The following EPHB2 variants were observed in gnomAD, a reference collection of about 807,000 sequenced individuals.
EPHB2 encodes EPH receptor B2.
A neutral mutation model predicts 96.4 loss-of-function variants in EPHB2; 18 were observed. That is an observed-to-expected ratio of 0.19 (90% CI 0.13 to 0.28). The LOEUF is 0.28. Among genes scored for constraint, EPHB2 ranks in the 10% least tolerant of loss-of-function variants. The pLI, the probability that EPHB2 is intolerant of heterozygous loss-of-function variation, is 1.00. For missense variants in EPHB2, 989 were observed against 1,355.4 expected (o/e 0.73, Z 4.25); for synonymous variants, 506 against 534.1 (o/e 0.95, Z 0.72).
intron 3 of EPHB2, among the ~76,000 whole-genome samples, chr1:22,803,224 A>G (rs1644870660): frequency 1.3e-5 from 2 of 152,108 alleles, no homozygotes; most frequent in South Asian, 4.2e-4. Flanking sequence ...GGCAGGACTG[A>G]CCCACCTCCC....
chr1:22,722,139 GCACCTAC>G (rs781459491), intron 1 of EPHB2, among the ~76,000 whole-genome samples: 1 of 149,708 alleles, frequency 6.7e-6, no homozygotes, highest in Non-Finnish European at 1.5e-5. Flanking sequence ...GTAAAGACAG[GCACCTAC>G]CACCATGCCC....
chr1:22,783,198 C>T (rs1366951710), intron 2 of EPHB2, among the ~76,000 whole-genome samples: 1 of 152,218 alleles, frequency 6.6e-6, no homozygotes, highest in East Asian at 1.9e-4. Flanking sequence ...CAAATGACCT[C>T]ACTTCTAGTC....
intron 1 of EPHB2, among the ~76,000 whole-genome samples, chr1:22,745,980 T>C (rs772284199): frequency 6.6e-6 from 1 of 152,220 alleles, no homozygotes; most frequent in Non-Finnish European, 1.5e-5. Context: ...AGGATCAGGA[T>C]GTTTAACTTC....
chr1:22,758,704 C>T lies in EPHB2; in HGVS notation c.62-22717C>T, dbSNP rs774960132. 1.3e-4 allele frequency among the ~76,000 whole-genome samples: 20 copies of T among 151,890 alleles called. 1 individual carries two copies. The highest frequency in any genetic ancestry group is 2.9e-4 in the Non-Finnish European group (20 of 68,000). On this transcript the variant is annotated intron_variant, in intron 1 of 15. Coordinates refer to ENST00000374630, the MANE Select transcript of EPHB2 (RefSeq NM_017449.5). ...CCTTTCTAGGCCTCAGTTTCCCTCT[C>T]GGTGACACAGTGGTATGAGGGGCAA... is the stretch of plus-strand genomic sequence containing the variant.
At chr1:22,866,030 C>A (rs1311119201) in intron 5 of EPHB2, among the ~76,000 whole-genome samples, 1 of 152,062 alleles carries the variant, frequency 6.6e-6, no homozygotes, top group Non-Finnish European at 1.5e-5. Flanking sequence ...GGGCTCCTAG[C>A]CTCCCCTCTC....
chr1:22,765,563 A>AAAC lies in EPHB2; in HGVS notation c.62-15858_62-15857insAAC, dbSNP rs1553162300. ...CCCTGTCGCAAAAAAAAAAAAAAAA[A>AAAC]CATTGAGTTCATCCCGTGAGCACCG... On this transcript the variant is annotated intron_variant, in intron 1 of 15. Coordinates refer to ENST00000374630, the MANE Select transcript of EPHB2 (RefSeq NM_017449.5). Among the ~76,000 whole-genome samples the AAAC allele has an allele frequency of 1.3e-3, 192 of 149,608 alleles. 3 individuals are homozygous for AAAC. The highest frequency in any genetic ancestry group is 4.4e-3 in the African/African-American group (177 of 40,472).
At position 22,761,714 on chromosome 1, in the gene EPHB2, C is replaced by T. The variant is rs576366771; in HGVS notation, c.62-19707C>T. 7.5e-4 allele frequency among the ~76,000 whole-genome samples: 114 copies of T among 152,344 alleles called. 1 individual carries two copies. Among genetic ancestry groups the T allele is most frequent in the African/African-American group, 2.7e-3 (111 of 41,582 alleles). Reference sequence around the variant, plus strand: ...TCTCCCTGGCAACCCTTCCCCTGGACGCCCTTCCCTGCCAATGCCCAGTTG... The same window carrying T: ...TCTCCCTGGCAACCCTTCCCCTGGATGCCCTTCCCTGCCAATGCCCAGTTG... On this transcript the variant is annotated intron_variant, in intron 1 of 15. Transcript: ENST00000374630.
intron 1 of EPHB2, among the ~76,000 whole-genome samples, chr1:22,737,604 T>C (rs1643859683): frequency 6.6e-6 from 1 of 152,200 alleles, no homozygotes; most frequent in African/African-American, 2.4e-5. Context: ...TATCCTTCTT[T>C]GTACTTACCC....
At chr1:22,745,398 C>T (rs376830771) in intron 1 of EPHB2, among the ~76,000 whole-genome samples, 5 of 152,202 alleles carry the variant, frequency 3.3e-5, no homozygotes, top group South Asian at 2.1e-4. Flanking sequence ...CCAGGCAAAA[C>T]GAATCAATGG....
At chr1:22,792,370 G>C (rs953883257) in intron 3 of EPHB2, among the ~76,000 whole-genome samples, 28 of 152,322 alleles carry the variant, frequency 1.8e-4, no homozygotes, top group Admixed American at 1.4e-3. Context: ...GAGACACCCA[G>C]TTGAGGGAGA....
chr1:22,885,422 G>T (rs957441187), intron 6 of EPHB2, among the ~76,000 whole-genome samples: 1 of 152,248 alleles, frequency 6.6e-6, no homozygotes, highest in African/African-American at 2.4e-5. Flanking sequence ...CGCTGCCCGA[G>T]CATCCCCAGG....
At chr1:22,730,613 G>A (rs987561176) in intron 1 of EPHB2, among the ~76,000 whole-genome samples, 1 of 151,936 alleles carries the variant, frequency 6.6e-6, no homozygotes, top group Non-Finnish European at 1.5e-5. Flanking sequence ...GAGGCCAGAA[G>A]GAAGCAAGAG....
intron 1 of EPHB2, among the ~76,000 whole-genome samples, chr1:22,714,695 T>C (rs1484472122): frequency 2.0e-5 from 3 of 152,192 alleles, no homozygotes; most frequent in Non-Finnish European, 4.4e-5. Context: ...TGACTTGCAA[T>C]GTGTGGTGAC....
intron 4 of EPHB2, among the ~76,000 whole-genome samples, chr1:22,863,812 TG>T (rs1638362278): frequency 6.6e-6 from 1 of 152,198 alleles, no homozygotes; most frequent in Admixed American, 6.5e-5. Flanking sequence ...CTCAACCTCC[TG>T]GGCTCAGGTG....
At chr1:22,862,967 G>T in intron 3 of EPHB2, 70 bp from the exon 4 acceptor site, 1 of 1,604,320 alleles carries the variant, frequency 6.2e-7, no homozygotes, top group East Asian at 2.2e-5. Context: ...CCTCCGTGAG[G>T]CTGCGTGGCT....
At chr1:22,745,679 CAG>C (rs1339104717) in intron 1 of EPHB2, among the ~76,000 whole-genome samples, 3 of 151,978 alleles carry the variant, frequency 2.0e-5, no homozygotes, top group East Asian at 1.9e-4. Context: ...GGGGTGGTCA[CAG>C]GGGTTGAGAG....
At chr1:22,746,927 G>T (rs1027285170) in intron 1 of EPHB2, among the ~76,000 whole-genome samples, 5 of 152,170 alleles carry the variant, frequency 3.3e-5, no homozygotes, top group Non-Finnish European at 5.9e-5. Context: ...CTGGAAGGGG[G>T]TTAGGACCAG....
chr1:22,739,882 G>T (rs1289664876), intron 1 of EPHB2, among the ~76,000 whole-genome samples: 2 of 152,200 alleles, frequency 1.3e-5, no homozygotes, highest in Non-Finnish European at 2.9e-5. Flanking sequence ...GCGGAAAGTT[G>T]TGCCGGGCTG....
intron 1 of EPHB2, among the ~76,000 whole-genome samples, chr1:22,753,797 C>T (rs1485312759): frequency 6.6e-6 from 1 of 151,964 alleles, no homozygotes; most frequent in Non-Finnish European, 1.5e-5. Flanking sequence ...TCTATCATCC[C>T]AGTATTTATC....
Sources: gnomAD v4.1 joint callset for allele counts (sites outside exome capture counted in the v4.1 genomes callset) on GRCh38, gnomAD v4.1.1 for gene constraint, MANE v1.5 for transcripts, NCBI Gene and HGNC (gene_info 2026-07-23, HGNC 2026-07-21) for gene names.